The following ZNF385D variants were observed in gnomAD, a reference collection of about 807,000 sequenced individuals.
ZNF385D encodes zinc finger protein 659.
In ZNF385D, 15 loss-of-function variants were observed where a neutral mutation model predicts 35.8. That is an observed-to-expected ratio of 0.42 (90% CI 0.28 to 0.64). The LOEUF (loss-of-function observed/expected upper bound fraction) is 0.64. Ranked by LOEUF, ZNF385D falls within the 30% of genes least tolerant of loss-of-function variation. The pLI, the probability that ZNF385D is intolerant of heterozygous loss-of-function variation, is 0.23. For missense variants in ZNF385D, 474 were observed against 494.6 expected (o/e 0.96, Z 0.39); for synonymous variants, 212 against 186.8 (o/e 1.13, Z -1.10).
chr3:21,443,726 A>T (rs965670422), intron 4 of ZNF385D, among the ~76,000 whole-genome samples: 2 of 152,240 alleles, frequency 1.3e-5, no homozygotes, highest in Non-Finnish European at 2.9e-5. Flanking sequence ...AGTAGCCTGC[A>T]TGAAACTCTA....
intron 1 of ZNF385D, among the ~76,000 whole-genome samples, chr3:21,734,632 C>A (rs2878599): frequency 0.78 from 118,278 of 151,928 alleles, 46,310 homozygotes; most frequent in East Asian, 0.86. Context: ...GGCTGGACCT[C>A]AGGATGAGGT....
chr3:21,765,744 CAG>C (rs77349056), intron 3 of ZNF385D, among the ~76,000 whole-genome samples: 44,161 of 151,210 alleles, frequency 0.29, 7,235 homozygotes, highest in East Asian at 0.43. Context: ...GAGAGAGAGA[CAG>C]AGAGAGAGAG....
intron 4 of ZNF385D, among the ~76,000 whole-genome samples, chr3:21,480,779 C>A (rs1399522972): frequency 1.3e-5 from 2 of 152,098 alleles, no homozygotes; most frequent in Non-Finnish European, 2.9e-5. Flanking sequence ...GAATATAGAT[C>A]ATTTCAAAGT....
chr3:21,449,114 GT>G (rs1559457150), intron 4 of ZNF385D, among the ~76,000 whole-genome samples: 1 of 151,754 alleles, frequency 6.6e-6, no homozygotes, highest in African/African-American at 2.4e-5. Flanking sequence ...TTATTGGTTA[GT>G]TCTGTCAATC....
At chr3:21,668,335 C>G (rs147813206) in intron 1 of ZNF385D, among the ~76,000 whole-genome samples, 1 of 152,170 alleles carries the variant, frequency 6.6e-6, no homozygotes, top group Non-Finnish European at 1.5e-5. Flanking sequence ...CTCTGAAGCT[C>G]TATTTTACCT....
intron 3 of ZNF385D, among the ~76,000 whole-genome samples, chr3:21,774,092 A>G (rs1443087966): frequency 6.6e-6 from 1 of 152,040 alleles, no homozygotes; most frequent in East Asian, 1.9e-4. Context: ...TACAGCCTTA[A>G]AAAGGAACAA....
At chr3:21,841,399 C>T (rs1221914085) in intron 3 of ZNF385D, among the ~76,000 whole-genome samples, 1 of 151,618 alleles carries the variant, frequency 6.6e-6, no homozygotes, top group African/African-American at 2.4e-5. Context: ...GAGATCAATT[C>T]CCAGAATTGA....
chr3:22,261,650 A>T (rs1001514587), intron 2 of ZNF385D, among the ~76,000 whole-genome samples: 1 of 151,856 alleles, frequency 6.6e-6, no homozygotes, highest in Non-Finnish European at 1.5e-5. Context: ...GAGCTAGGGT[A>T]TGGGGGTGGC....
At chr3:22,229,007 C>T (rs568684769) in intron 2 of ZNF385D, among the ~76,000 whole-genome samples, 1 of 152,342 alleles carries the variant, frequency 6.6e-6, no homozygotes, top group East Asian at 1.9e-4. Context: ...CTTGGACTGG[C>T]TTCCTTGCTC....
chr3:22,355,188 A>G (rs1432433470), intron 2 of ZNF385D, among the ~76,000 whole-genome samples: 1 of 152,068 alleles, frequency 6.6e-6, no homozygotes, highest in African/African-American at 2.4e-5. Flanking sequence ...ACTTGCAAAG[A>G]AAGTTGCAAC....
Position 22,169,311 on chromosome 3 carries a change from T to C in ZNF385D, c.107-276A>G, listed in dbSNP as rs564260134. ...TATCATAACAATGTAATAAGCACTA[T>C]AGTATTCCCTTTTTTATAGCTGAGG... On this transcript the variant is annotated intron_variant, in intron 2 of 5. Coordinates refer to the ZNF385D transcript ENST00000494108. Among the ~76,000 whole-genome samples the C allele has an allele frequency of 2.6e-5, 4 of 152,336 alleles. No homozygotes were observed. In the South Asian group the frequency reaches 8.3e-4, roughly 32 times the overall value.
At chr3:21,873,301 C>T (rs535657975) in intron 3 of ZNF385D, among the ~76,000 whole-genome samples, 22 of 152,046 alleles carry the variant, frequency 1.4e-4, no homozygotes, top group African/African-American at 3.4e-4. Flanking sequence ...ACCACATGGG[C>T]GGTATATTTT....
intron 2 of ZNF385D, among the ~76,000 whole-genome samples, chr3:22,288,162 G>C (rs1212239471): frequency 1.3e-5 from 2 of 152,026 alleles, no homozygotes. Flanking sequence ...GTAACAAGTA[G>C]TTCTCTTGCT....
chr3:21,711,081 G>A (rs2068088690), intron 1 of ZNF385D, among the ~76,000 whole-genome samples: 2 of 105,080 alleles, frequency 1.9e-5, no homozygotes, highest in Non-Finnish European at 3.4e-5. Context: ...TTGCTCTGTC[G>A]CCTAGGATGG....
At chr3:22,127,521 G>C (rs1703510219) in intron 3 of ZNF385D, among the ~76,000 whole-genome samples, 1 of 151,342 alleles carries the variant, frequency 6.6e-6, no homozygotes, top group African/African-American at 2.4e-5. Flanking sequence ...TGTACTTTTA[G>C]TAGAGATGGG....
intron 2 of ZNF385D, among the ~76,000 whole-genome samples, chr3:22,354,234 A>C (rs1042018044): frequency 5.9e-5 from 9 of 152,120 alleles, no homozygotes; most frequent in Non-Finnish European, 7.4e-5. Context: ...CAAGCTATGA[A>C]CATTTTCTGT....
Position 22,343,656 on chromosome 3 carries a change from A to G in ZNF385D, c.106+28794T>C, listed in dbSNP as rs145520402. 4.6e-5 allele frequency among the ~76,000 whole-genome samples: 7 copies of G among 152,130 alleles called. No individual in the cohort carries two copies. In the East Asian group the frequency reaches 1.4e-3, roughly 29 times the overall value. On this transcript the variant is annotated intron_variant, in intron 2 of 5. Coordinates refer to the ZNF385D transcript ENST00000494108. ...CTTCACCTCACTCCCTACTAATCTCATTGACCCTATAAGCTACCCAATATT... is the reference window on the plus strand; with the variant it reads ...CTTCACCTCACTCCCTACTAATCTCGTTGACCCTATAAGCTACCCAATATT...
chr3:21,863,067 A>G (rs1214194544), intron 3 of ZNF385D, among the ~76,000 whole-genome samples: 2 of 152,154 alleles, frequency 1.3e-5, no homozygotes, highest in Non-Finnish European at 2.9e-5. Flanking sequence ...TTGAAAATAC[A>G]CACATAAATA....
At position 22,354,897 on chromosome 3, in the gene ZNF385D, C is replaced by G. The variant is rs533401350; in HGVS notation, c.106+17553G>C. On this transcript the variant is annotated intron_variant, in intron 2 of 5. Coordinates refer to the ZNF385D transcript ENST00000494108. ...CCACACTAACCACATTTCAAATGCT[C>G]AATAGCCACGTGTCACTCATGGCTA... is the stretch of plus-strand genomic sequence containing the variant. Among the ~76,000 whole-genome samples, 6 of 152,074 alleles carry G rather than the reference C, an allele frequency of 3.9e-5. No individual in the cohort carries two copies. In the South Asian group the frequency reaches 1.2e-3, roughly 31 times the overall value.
Sources: allele counts gnomAD v4.1 joint callset (sites outside exome capture counted in the v4.1 genomes callset), GRCh38; gene constraint gnomAD v4.1.1; transcripts MANE v1.5; gene names NCBI Gene and HGNC (gene_info 2026-07-23, HGNC 2026-07-21).